PTGR1: variants seen among roughly 807,000 people sequenced by gnomAD.
PTGR1 encodes the protein prostaglandin reductase 1.
In PTGR1, 23 loss-of-function variants were observed where a neutral mutation model predicts 37.7. That is an observed-to-expected ratio of 0.61 (90% CI 0.44 to 0.86). The LOEUF (loss-of-function observed/expected upper bound fraction) is 0.86. Among genes scored for constraint, PTGR1 ranks in the 40% least tolerant of loss-of-function variants. The probability of loss-of-function intolerance (pLI) is 0.00; values close to 1 mark genes in which losing one functional copy is unlikely to be tolerated. For synonymous variants in PTGR1, 134 were observed against 140.0 expected (o/e 0.96, Z 0.30); for missense variants, 351 against 394.3 (o/e 0.89, Z 0.93).
intron 7 of PTGR1, chr9:111,576,455 T>A: frequency 1.2e-6 from 2 of 1,613,676 alleles, no homozygotes; most frequent in Non-Finnish European, 1.7e-6. Flanking sequence ...TACACAGAGA[T>A]GACCAGAGGA....
At chr9:111,592,736 A>T in intron 4 of PTGR1, 190 bp downstream of exon 4, 1 of 704,294 alleles carries the variant, frequency 1.4e-6, no homozygotes, top group Non-Finnish European at 2.1e-6. Context: ...AAAAATGACA[A>T]TTTCACATCC....
Position 111,578,826 on chromosome 9 carries a change from A to G in PTGR1, c.621T>C (p.Ser207=), listed in dbSNP as rs1305465679. Residue 207 remains serine, a synonymous_variant, in exon 7 of 10, where the codon TCT becomes TCC. Coordinates refer to ENST00000407693, the MANE Select transcript of PTGR1 (RefSeq NM_001146108.2). Reference sequence around the variant, plus strand: ...CAAAATAACAATCATAACCATCAGGAGACGCTTTCTTCAAGGTTTCTTCCA... The same window carrying G: ...CAAAATAACAATCATAACCATCAGGGGACGCTTTCTTCAAGGTTTCTTCCA... ...ESLEETLKKA[S]PDGYDCYFDN... 2 of 1,607,146 alleles carry G rather than the reference A, an allele frequency of 1.2e-6. No homozygotes were observed. The highest frequency in any genetic ancestry group is 1.7e-5 in the Admixed American group (1 of 58,024).
intron 3 of PTGR1, 21 bp from the exon 4 acceptor site, chr9:111,593,003 A>T (rs1829667980): frequency 6.5e-7 from 1 of 1,539,144 alleles, no homozygotes. Context: ...AAAAAAAAAA[A>T]AAAAAAAAAA....
intron 9 of PTGR1, among the ~76,000 whole-genome samples, chr9:111,551,157 A>G (rs1233325425): frequency 6.6e-6 from 1 of 152,232 alleles, no homozygotes; most frequent in African/African-American, 2.4e-5. Context: ...TATCCATAAT[A>G]TTATTTCATC....
chr9:111,554,932 C>T (rs571621576), intron 9 of PTGR1, among the ~76,000 whole-genome samples: 1 of 152,160 alleles, frequency 6.6e-6, no homozygotes, highest in African/African-American at 2.4e-5. Flanking sequence ...CCTTTGGGAC[C>T]CTAAATGTCA....
intron 9 of PTGR1, among the ~76,000 whole-genome samples, chr9:111,565,386 T>C (rs1828512443): frequency 6.6e-6 from 1 of 152,212 alleles, no homozygotes; most frequent in South Asian, 2.1e-4. Flanking sequence ...TGTGGTACTT[T>C]ATTTTGGTAG....
At chr9:111,597,762 G>A (rs1360847697) in intron 1 of PTGR1, among the ~76,000 whole-genome samples, 1 of 152,228 alleles carries the variant, frequency 6.6e-6, no homozygotes, top group Non-Finnish European at 1.5e-5. Context: ...CCCAGCCACT[G>A]CTAGGCTAGA....
chr9:111,598,383 C>A (rs1829846033), intron 1 of PTGR1, among the ~76,000 whole-genome samples: 3 of 152,196 alleles, frequency 2.0e-5, no homozygotes, highest in Admixed American at 6.5e-5. Context: ...AGCTCCCCTA[C>A]CGGTGCCGCG....
chr9:111,568,551 A>ATGTGATCTT (rs1483237330), intron 9 of PTGR1, among the ~76,000 whole-genome samples: 3 of 152,186 alleles, frequency 2.0e-5, no homozygotes, highest in Admixed American at 2.0e-4. Context: ...CCTCAGAAGC[A>ATGTGATCTT]TGTGATCTTT....
intron 3 of PTGR1, 109 bp from the exon 4 acceptor site, chr9:111,593,091 A>C (rs1055435590): frequency 1.4e-6 from 2 of 1,449,826 alleles, no homozygotes; most frequent in Non-Finnish European, 1.8e-6. Context: ...AAGCCAAATG[A>C]AAAACTGCTG....
chr9:111,564,298 A>T (rs2132320857), intron 9 of PTGR1: 1 of 620,278 alleles, frequency 1.6e-6, no homozygotes, highest in South Asian at 4.9e-5. Flanking sequence ...TATTATTATT[A>T]TTATTATTAT....
At chr9:111,586,316 T>G in intron 4 of PTGR1, 151 bp from the exon 5 acceptor site, 1 of 768,680 alleles carries the variant, frequency 1.3e-6, no homozygotes, top group South Asian at 1.7e-5. Context: ...TCTTAATTCT[T>G]AGCCATCGGC....
chr9:111,596,874 C>G (rs1483181132), intron 2 of PTGR1, among the ~76,000 whole-genome samples: 1 of 135,306 alleles, frequency 7.4e-6, no homozygotes, highest in Non-Finnish European at 1.5e-5. Flanking sequence ...TTGCAGTGAG[C>G]CAAAATCATG....
chr9:111,578,796 A>C lies in PTGR1; in HGVS notation c.651T>G (p.Asn217Lys), dbSNP rs1490362457. 1 of 1,602,068 alleles carries C rather than the reference A, an allele frequency of 6.2e-7. No homozygotes were observed. The highest frequency in any genetic ancestry group is 1.8e-5 in the Admixed American group (1 of 56,776). Residue 217 changes from asparagine (N) to lysine (K), a missense_variant and splice_region_variant, in exon 7 of 10, where the codon AAT (asparagine) becomes AAG (lysine). Physicochemically the swap from Asn to Lys is moderately conservative, Grantham distance 94. Coordinates refer to ENST00000407693, the MANE Select transcript of PTGR1 (RefSeq NM_001146108.2). ...GATATTAAGTCCAGTTTGTACTTAC[A>C]TTATCAAAATAACAATCATAACCAT... ...SPDGYDCYFDNVGGEFSNTVI... is the reference protein window; with the variant it reads ...SPDGYDCYFDKVGGEFSNTVI...
At chr9:111,599,110 G>C (rs958920535) in intron 1 of PTGR1, among the ~76,000 whole-genome samples, 1 of 152,162 alleles carries the variant, frequency 6.6e-6, no homozygotes, top group Non-Finnish European at 1.5e-5. Context: ...GAAAGGGTCT[G>C]GCCGCAGAGG....
At chr9:111,578,973 A>G (rs1224292424) in intron 6 of PTGR1, 22 bp from the exon 7 acceptor site, 1 of 1,563,652 alleles carries the variant, frequency 6.4e-7, no homozygotes, top group Middle Eastern at 1.7e-4. Flanking sequence ...AAAAAAAAAA[A>G]AGGAAACCAT....
chr9:111,550,173 G>C (rs1827898841), intron 9 of PTGR1, among the ~76,000 whole-genome samples: 1 of 152,166 alleles, frequency 6.6e-6, no homozygotes. Context: ...TACAGAGCCT[G>C]CGTTTTTCCC....
intron 7 of PTGR1, chr9:111,576,305 C>T: frequency 1.9e-6 from 3 of 1,591,460 alleles, no homozygotes; most frequent in Non-Finnish European, 1.7e-6. Context: ...AAACTACTTG[C>T]TAAAATTTTA....
downstream of PTGR1, among the ~76,000 whole-genome samples, chr9:111,559,571 T>C (rs1373885161): frequency 6.6e-6 from 1 of 151,806 alleles, no homozygotes; most frequent in East Asian, 1.9e-4. Context: ...TCCTTCTTCC[T>C]GCTCACCAGT....
Sources: gnomAD v4.1 joint callset for allele counts (sites outside exome capture counted in the v4.1 genomes callset) on GRCh38, gnomAD v4.1.1 for gene constraint, MANE v1.5 for transcripts, NCBI Gene and HGNC (gene_info 2026-07-23, HGNC 2026-07-21) for gene names.